Variants in MAPK10 observed in about 807,000 individuals in gnomAD.
The protein encoded by MAPK10 is mitogen-activated protein kinase 10.
In MAPK10, 25 loss-of-function variants were observed where a neutral mutation model predicts 59.3. That is an observed-to-expected ratio of 0.42 (90% CI 0.31 to 0.59). The LOEUF is 0.59. MAPK10 is among the 20% of genes least tolerant of loss of function. MAPK10 has a pLI of 0.15. For missense variants in MAPK10, 351 were observed against 568.9 expected (o/e 0.62, Z 3.90); for synonymous variants, 190 against 200.5 (o/e 0.95, Z 0.44).
At chr4:86,129,349 G>C (rs187855823) in intron 4 of MAPK10, among the ~76,000 whole-genome samples, 186 of 152,210 alleles carry the variant, frequency 1.2e-3, no homozygotes, top group African/African-American at 4.0e-3. Context: ...GCATATAAAA[G>C]TCACAAAATT....
chr4:86,149,565 C>A (rs1240320651), intron 4 of MAPK10, among the ~76,000 whole-genome samples: 1 of 152,210 alleles, frequency 6.6e-6, no homozygotes, highest in Admixed American at 6.5e-5. Context: ...CCGCACCCAA[C>A]CTGGATTGGA....
intron 1 of MAPK10, among the ~76,000 whole-genome samples, chr4:86,382,167 C>T (rs996639063): frequency 5.9e-5 from 9 of 151,964 alleles, no homozygotes; most frequent in African/African-American, 2.2e-4. Flanking sequence ...TGCAAAATAA[C>T]CCCTAGGTGA....
Position 86,076,164 on chromosome 4 carries a change from C to T in MAPK10, c.803-8209G>A, listed in dbSNP as rs6821840. Among the ~76,000 whole-genome samples the T allele has an allele frequency of 9.3e-4, 142 of 152,202 alleles. 1 individual carries two copies. Among genetic ancestry groups the T allele is most frequent in the Middle Eastern group, 3.4e-3 (1 of 294 alleles). On this transcript the variant is annotated intron_variant, in intron 9 of 13. Transcript: ENST00000641462. ...TGGGAGTGACCCGATTTTCCAGGTG[C>T]GTCTGTCACCCGTTTCTTTGACTCG...
At chr4:86,041,911 T>TCTAGA (rs2041611974) in intron 11 of MAPK10, among the ~76,000 whole-genome samples, 1 of 152,254 alleles carries the variant, frequency 6.6e-6, no homozygotes, top group Admixed American at 6.5e-5. Context: ...AATGTAGTGA[T>TCTAGA]TCCTCAAAGA....
At chr4:86,591,861 A>G (rs139715365) in intron 1 of MAPK10, among the ~76,000 whole-genome samples, 1 of 152,260 alleles carries the variant, frequency 6.6e-6, no homozygotes, top group East Asian at 1.9e-4. Flanking sequence ...TATTGTTACA[A>G]TGTGATGGTG....
At position 86,529,432 on chromosome 4, in the gene MAPK10, C is replaced by T. The variant is rs145291854; in HGVS notation, c.-263+64478G>A. On this transcript the variant is annotated intron_variant, in intron 1 of 4. Transcript: ENST00000502302. ...CGGCCCCCACCTCCACCTAGAAAGGCCCCACTCATGCCTTCTCCACTGCAT... is the reference window on the plus strand; with the variant it reads ...CGGCCCCCACCTCCACCTAGAAAGGTCCCACTCATGCCTTCTCCACTGCAT... Among the ~76,000 whole-genome samples, 303 of 152,292 alleles carry T rather than the reference C, an allele frequency of 2.0e-3. 2 individuals carry two copies. Among genetic ancestry groups the T allele is most frequent in the Middle Eastern group, 3.4e-3 (1 of 294 alleles).
chr4:86,584,422 T>C (rs1262081617), intron 1 of MAPK10, among the ~76,000 whole-genome samples: 1 of 152,066 alleles, frequency 6.6e-6, no homozygotes, highest in Non-Finnish European at 1.5e-5. Flanking sequence ...ATCCTGGAAA[T>C]ATTGGGAGTG....
chr4:86,540,086 A>G (rs1389592127), intron 1 of MAPK10, among the ~76,000 whole-genome samples: 1 of 152,208 alleles, frequency 6.6e-6, no homozygotes, highest in Non-Finnish European at 1.5e-5. Context: ...TTAATACTGA[A>G]TCCATCCATT....
intron 2 of MAPK10, among the ~76,000 whole-genome samples, chr4:86,263,263 T>C (rs1165796508): frequency 6.6e-6 from 1 of 152,228 alleles, no homozygotes; most frequent in Non-Finnish European, 1.5e-5. Flanking sequence ...AATTGCCAAA[T>C]GTAAGCATGA....
chr4:86,479,794 A>G (rs937836989), intron 1 of MAPK10, among the ~76,000 whole-genome samples: 1 of 151,932 alleles, frequency 6.6e-6, no homozygotes, highest in African/African-American at 2.4e-5. Flanking sequence ...TATTTTTTCA[A>G]TTCCCACAAA....
chr4:86,212,474 T>G (rs1242950617), intron 2 of MAPK10, among the ~76,000 whole-genome samples: 1 of 151,996 alleles, frequency 6.6e-6, no homozygotes, highest in Non-Finnish European at 1.5e-5. Context: ...TGGGCCATTA[T>G]TACACCACTG....
At chr4:86,033,533 G>C (rs975937187) in intron 11 of MAPK10, among the ~76,000 whole-genome samples, 1 of 152,150 alleles carries the variant, frequency 6.6e-6, no homozygotes, top group Non-Finnish European at 1.5e-5. Flanking sequence ...TTTTCTTTTT[G>C]CAACAAAGCT....
rs756772341 is a variant in MAPK10 at position 86,017,308 on chromosome 4, TGGA to T, written c.1312_1314del (p.Ser438del). ...GATGCCAGGGTCTGGTCGGTGGACA[TGGA>T]GGAGATGTCATTGACAGACGAGGAT... On this transcript the variant is annotated inframe_deletion, in exon 14 of 14. Coordinates refer to ENST00000641462, the MANE Select transcript of MAPK10 (RefSeq NM_138982.4). This position sits in a 1 kb window ranked among gnomAD's most constrained non-coding sequence, Gnocchi z 4.4. The T allele has an allele frequency of 1.9e-6, 3 of 1,614,126 alleles. No homozygotes were observed. Among genetic ancestry groups the T allele is most frequent in the African/African-American group, 1.3e-5 (1 of 75,036 alleles).
chr4:86,154,768 G>A (rs960746129), intron 4 of MAPK10, among the ~76,000 whole-genome samples: 4 of 151,806 alleles, frequency 2.6e-5, no homozygotes, highest in African/African-American at 9.7e-5. Context: ...ATATTTTTTC[G>A]GCATAAGTTT....
chr4:86,345,612 CTG>C (rs1210775313), intron 2 of MAPK10, among the ~76,000 whole-genome samples: 2 of 152,122 alleles, frequency 1.3e-5, no homozygotes, highest in African/African-American at 4.8e-5. Context: ...CATGACATAG[CTG>C]GGATAAAAAT....
intron 10 of MAPK10, among the ~76,000 whole-genome samples, chr4:86,066,323 A>G (rs887082992): frequency 2.0e-5 from 3 of 152,180 alleles, no homozygotes; most frequent in Non-Finnish European, 4.4e-5. Context: ...CTCATTGCCA[A>G]TGGCCTCCTA....
At chr4:86,185,544 G>A (rs1395484439) in intron 3 of MAPK10, among the ~76,000 whole-genome samples, 2 of 152,218 alleles carry the variant, frequency 1.3e-5, no homozygotes, top group East Asian at 3.9e-4. Flanking sequence ...TTTTAGTCAA[G>A]GAGTGACATG....
chr4:86,582,929 T>C (rs1475651100), intron 1 of MAPK10, among the ~76,000 whole-genome samples: 1 of 152,114 alleles, frequency 6.6e-6, no homozygotes, highest in Non-Finnish European at 1.5e-5. Flanking sequence ...AAAATATTAT[T>C]GTATTATTCA....
intron 1 of MAPK10, among the ~76,000 whole-genome samples, chr4:86,465,010 G>A (rs1334536424): frequency 6.6e-6 from 1 of 152,164 alleles, no homozygotes; most frequent in African/African-American, 2.4e-5. Flanking sequence ...AGCATTATCT[G>A]GAAAGAAGCT....
Sources: gnomAD v4.1 joint callset for allele counts (sites outside exome capture counted in the v4.1 genomes callset) on GRCh38, gnomAD v4.1.1 for gene constraint, Gnocchi (gnomAD v3.1) non-coding constraint, MANE v1.5 for transcripts, NCBI Gene and HGNC (gene_info 2026-07-23, HGNC 2026-07-21) for gene names.